NRG1: variants seen among roughly 807,000 people sequenced by gnomAD.
The protein encoded by NRG1 is neuregulin 1, also known as pro-neuregulin-1, membrane-bound isoform.
A neutral mutation model predicts 63.8 loss-of-function variants in NRG1; 18 were observed. That is an observed-to-expected ratio of 0.28 (90% CI 0.19 to 0.42). NRG1 has a LOEUF of 0.42. NRG1 is among the 10% of genes least tolerant of loss of function. The probability of loss-of-function intolerance (pLI) is 1.00; values close to 1 mark genes in which losing one functional copy is unlikely to be tolerated. For missense variants in NRG1, 762 were observed against 814.7 expected (o/e 0.94, Z 0.79); for synonymous variants, 302 against 301.3 (o/e 1.00, Z -0.02).
intron 1 of NRG1, among the ~76,000 whole-genome samples, chr8:31,853,138 T>A (rs1333758227): frequency 6.6e-6 from 1 of 152,202 alleles, no homozygotes; most frequent in Non-Finnish European, 1.5e-5. Flanking sequence ...TTTTTTTCAA[T>A]TCTGTGAAGA....
At chr8:31,953,623 A>G (rs1803848242) in intron 1 of NRG1, among the ~76,000 whole-genome samples, 1 of 152,220 alleles carries the variant, frequency 6.6e-6, no homozygotes, top group Non-Finnish European at 1.5e-5. Context: ...GTTCACTGTA[A>G]AGGCCAGAAC....
intron 1 of NRG1, among the ~76,000 whole-genome samples, chr8:32,299,020 T>A (rs1226167338): frequency 1.0e-5 from 1 of 96,982 alleles, no homozygotes. Context: ...AGTTAGACTC[T>A]ATCTCAAAAA....
chr8:32,532,585 A>G (rs2129518286), intron 1 of NRG1, among the ~76,000 whole-genome samples: 1 of 152,164 alleles, frequency 6.6e-6, no homozygotes, highest in Middle Eastern at 3.4e-3. Flanking sequence ...TTTATTTAAG[A>G]TATATGATTT....
At chr8:32,432,748 A>C (rs1818302042) in intron 1 of NRG1, among the ~76,000 whole-genome samples, 1 of 152,022 alleles carries the variant, frequency 6.6e-6, no homozygotes, top group Non-Finnish European at 1.5e-5. Flanking sequence ...CCTGCCTCCC[A>C]AAGGGCTGGG....
At chr8:32,694,174 A>G (rs1265335730) in intron 5 of NRG1, among the ~76,000 whole-genome samples, 1 of 152,218 alleles carries the variant, frequency 6.6e-6, no homozygotes, top group Non-Finnish European at 1.5e-5. Context: ...CACGTCTAGA[A>G]TCTATCTGGT....
chr8:32,344,730 G>A (rs1036712688), intron 1 of NRG1, among the ~76,000 whole-genome samples: 2 of 150,622 alleles, frequency 1.3e-5, no homozygotes, highest in African/African-American at 4.9e-5. Context: ...TTACAGGTGT[G>A]AGCCACCATA....
At chr8:32,369,574 G>A (rs1346176192) in intron 1 of NRG1, among the ~76,000 whole-genome samples, 1 of 152,130 alleles carries the variant, frequency 6.6e-6, no homozygotes, top group Non-Finnish European at 1.5e-5. Context: ...CCCCAACCAG[G>A]GACCCTGAAG....
intron 1 of NRG1, among the ~76,000 whole-genome samples, chr8:32,046,850 A>C (rs1036516094): frequency 6.6e-6 from 1 of 152,028 alleles, no homozygotes; most frequent in South Asian, 2.1e-4. Context: ...CTTGATTCTC[A>C]TGGTGATTAT....
intron 7 of NRG1, among the ~76,000 whole-genome samples, chr8:32,752,035 C>A (rs1207381737): frequency 1.3e-5 from 2 of 152,174 alleles, no homozygotes; most frequent in Non-Finnish European, 2.9e-5. Flanking sequence ...ACAAGAATAA[C>A]CACAGACTTG....
At position 31,701,833 on chromosome 8, in the gene NRG1, A is replaced by G. The variant is rs1211633488; in HGVS notation, c.37+62402A>G. 5.3e-5 allele frequency among the ~76,000 whole-genome samples: 8 copies of G among 152,328 alleles called. No individual in the cohort carries two copies. The East Asian group carries it at 9.7e-4, about 18-fold the overall frequency. On this transcript the variant is annotated intron_variant, in intron 1 of 10. Transcript: ENST00000519301. ...TGCTTCTCAAACTTTAGCAATGTGC[A>G]TGCAAATCACCTGGCAATCTTGTAA... is the stretch of plus-strand genomic sequence containing the variant.
chr8:32,548,200 G>A (rs1458742235), upstream of NRG1: 15 of 981,674 alleles, frequency 1.5e-5, no homozygotes, highest in Non-Finnish European at 1.8e-5. Context: ...GTGGGGAAGA[G>A]GGAGGGGGCG....
At chr8:32,592,098 G>T (rs985689490) in intron 1 of NRG1, among the ~76,000 whole-genome samples, 3 of 141,744 alleles carry the variant, frequency 2.1e-5, no homozygotes, top group Admixed American at 1.4e-4. Context: ...ACAGACCAAG[G>T]CTCCCGGTTT....
chr8:32,332,176 A>G (rs899594097), intron 1 of NRG1, among the ~76,000 whole-genome samples: 7 of 152,192 alleles, frequency 4.6e-5, no homozygotes, highest in South Asian at 2.1e-4. Flanking sequence ...ATTCAAACCC[A>G]TAAGGAGTTC....
chr8:31,857,492 A>T (rs1011867794), intron 1 of NRG1, among the ~76,000 whole-genome samples: 2 of 152,170 alleles, frequency 1.3e-5, no homozygotes, highest in African/African-American at 4.8e-5. Context: ...ATGCGCACCC[A>T]CTGACCTGCG....
At chr8:31,747,160 T>C (rs1262882064) in intron 1 of NRG1, among the ~76,000 whole-genome samples, 2 of 151,954 alleles carry the variant, frequency 1.3e-5, no homozygotes, top group Non-Finnish European at 2.9e-5. Context: ...TAAAATAACC[T>C]GAAGAGTGCA....
intron 1 of NRG1, among the ~76,000 whole-genome samples, chr8:31,936,853 A>G (rs1453756053): frequency 6.6e-6 from 1 of 152,218 alleles, no homozygotes; most frequent in East Asian, 1.9e-4. Context: ...TGTCATAAGA[A>G]CTTTAATCTG....
intron 1 of NRG1, among the ~76,000 whole-genome samples, chr8:31,903,536 G>A (rs765760952): frequency 2.6e-5 from 4 of 152,024 alleles, no homozygotes; most frequent in Non-Finnish European, 4.4e-5. Context: ...CTCAGTTCCT[G>A]ACCCACAGAA....
intron 1 of NRG1, among the ~76,000 whole-genome samples, chr8:31,725,328 C>G (rs556843752): frequency 2.0e-5 from 3 of 152,230 alleles, no homozygotes; most frequent in Admixed American, 6.5e-5. Flanking sequence ...GCATATGTTC[C>G]CAGCTAACGT....
chr8:32,292,640 A>G (rs1281560295), intron 1 of NRG1, among the ~76,000 whole-genome samples: 2 of 152,192 alleles, frequency 1.3e-5, no homozygotes, highest in African/African-American at 4.8e-5. Context: ...AACCAGAAAA[A>G]TATTTGAGAA....
Sources: gnomAD v4.1 joint callset for allele counts (sites outside exome capture counted in the v4.1 genomes callset) on GRCh38, gnomAD v4.1.1 for gene constraint, MANE v1.5 for transcripts, NCBI Gene and HGNC (gene_info 2026-07-23, HGNC 2026-07-21) for gene names.